Variants in CDH6 observed in about 807,000 individuals in gnomAD.
The protein encoded by CDH6 is cadherin 6.
A neutral mutation model predicts 78.0 loss-of-function variants in CDH6; 31 were observed. That is an observed-to-expected ratio of 0.40 (90% CI 0.30 to 0.54). CDH6 has a LOEUF of 0.54. Ranked by LOEUF, CDH6 falls within the 20% of genes least tolerant of loss-of-function variation. CDH6 has a pLI of 0.56. For missense variants in CDH6, 724 were observed against 975.9 expected (o/e 0.74, Z 3.44); for synonymous variants, 376 against 368.8 (o/e 1.02, Z -0.23).
intron 1 of CDH6, among the ~76,000 whole-genome samples, chr5:31,263,811 T>C (rs1403216240): frequency 6.6e-6 from 1 of 152,192 alleles, no homozygotes; most frequent in African/African-American, 2.4e-5. Flanking sequence ...TTTTAACTTA[T>C]CAAATTCTTT....
rs988691826 is a variant in CDH6, at chr5:31,329,135, G to GTT, written c.*5833_*5834dup. On this transcript the variant is annotated 3_prime_UTR_variant, in exon 12 of 12. Transcript: ENST00000265071. ...TTATATGATATTACTTAATAAACTGGTTTTTTTCTAACTTGCTTTTTTTTC... is the reference window on the plus strand; with the variant it reads ...TTATATGATATTACTTAATAAACTGGTTTTTTTTTCTAACTTGCTTTTTTTTC... 1 of 186,216 alleles carries GTT rather than the reference G, an allele frequency of 5.4e-6. No homozygotes were observed. Among genetic ancestry groups the GTT allele is most frequent in the South Asian group, 2.0e-4 (1 of 5,098 alleles). 11.5% of individuals were successfully genotyped at this position (186,216 alleles called of 1,614,324 possible). A position where few individuals can be genotyped will look rare whatever the true frequency, so the allele number is the denominator to read the frequency against.
intron 6 of CDH6, among the ~76,000 whole-genome samples, chr5:31,302,798 G>GAGAGAGAAAGAA (rs1282911479): frequency 5.2e-4 from 19 of 36,592 alleles, no homozygotes; most frequent in Non-Finnish European, 9.7e-4. Flanking sequence ...GAGAGAGAGA[G>GAGAGAGAAAGAA]AGAAAGAAAG....
chr5:31,223,946 G>A (rs1025657461), intron 1 of CDH6, among the ~76,000 whole-genome samples: 5 of 152,068 alleles, frequency 3.3e-5, no homozygotes, highest in African/African-American at 4.8e-5. Flanking sequence ...TGGCAGTGGC[G>A]ATAAACAACA....
chr5:31,257,616 A>G (rs969308465), intron 1 of CDH6, among the ~76,000 whole-genome samples: 2 of 152,234 alleles, frequency 1.3e-5, no homozygotes, highest in South Asian at 2.1e-4. Context: ...TGGCACTGGG[A>G]TGTAGGACTT....
At chr5:31,218,787 C>T (rs1306570118) in intron 1 of CDH6, among the ~76,000 whole-genome samples, 1 of 152,144 alleles carries the variant, frequency 6.6e-6, no homozygotes, top group African/African-American at 2.4e-5. Flanking sequence ...AACACAGGGT[C>T]ATCTATAAAA....
chr5:31,291,424 G>A (rs1438097547), intron 2 of CDH6, among the ~76,000 whole-genome samples: 1 of 152,176 alleles, frequency 6.6e-6, no homozygotes, highest in East Asian at 1.9e-4. Flanking sequence ...TGTTTACATG[G>A]TGGTTAATGT....
chr5:31,219,280 C>T lies in CDH6; in HGVS notation c.-129+25394C>T, dbSNP rs111483895. On this transcript the variant is annotated intron_variant, in intron 1 of 11. Transcript: ENST00000265071. ...CACCAAGCCTCCATCCACAATTGTG[C>T]AAGCTAGTTCCTTAAAGTCTCTCTC... Among the ~76,000 whole-genome samples the T allele has an allele frequency of 3.9e-3, 598 of 152,264 alleles. 8 individuals are homozygous for T. The highest frequency in any genetic ancestry group is 0.013 in the African/African-American group (557 of 41,558).
chr5:31,284,832 G>C (rs142930976), intron 2 of CDH6, among the ~76,000 whole-genome samples: 2 of 152,190 alleles, frequency 1.3e-5, no homozygotes, highest in Non-Finnish European at 2.9e-5. Flanking sequence ...ACTATCCTTG[G>C]CTCCAAAAGC....
At chr5:31,254,838 C>A (rs1028126877) in intron 1 of CDH6, among the ~76,000 whole-genome samples, 1 of 152,118 alleles carries the variant, frequency 6.6e-6, no homozygotes, top group Non-Finnish European at 1.5e-5. Context: ...TTTTTTAGAT[C>A]ATTCACTGCT....
chr5:31,317,529 A>T, intron 10 of CDH6, 37 bp downstream of exon 10: 1 of 1,515,770 alleles, frequency 6.6e-7, no homozygotes, highest in Non-Finnish European at 9.1e-7. Context: ...ATCTATCTCC[A>T]TCTATATCCG....
intron 3 of CDH6, among the ~76,000 whole-genome samples, chr5:31,296,593 C>G (rs755803297): frequency 2.0e-5 from 3 of 152,012 alleles, no homozygotes; most frequent in Non-Finnish European, 4.4e-5. Context: ...GTCTTTCAAC[C>G]GTTTAGAACT....
chr5:31,262,679 T>C (rs992916229), intron 1 of CDH6, among the ~76,000 whole-genome samples: 4 of 152,152 alleles, frequency 2.6e-5, no homozygotes, highest in African/African-American at 9.7e-5. Flanking sequence ...TTGCTTTTCC[T>C]CCCTCCCACC....
intron 2 of CDH6, among the ~76,000 whole-genome samples, chr5:31,292,187 C>T (rs905171825): frequency 2.2e-4 from 33 of 152,096 alleles, no homozygotes; most frequent in African/African-American, 8.0e-4. Context: ...TCATGTTTCC[C>T]AAAGTATCTT....
At chr5:31,251,479 T>A (rs938293617) in intron 1 of CDH6, 1 of 152,224 alleles carries the variant, frequency 6.6e-6, no homozygotes, top group African/African-American at 2.4e-5. Flanking sequence ...AGTTCAGAAG[T>A]CACACCTGAA....
At position 31,267,445 on chromosome 5, in the gene CDH6, C is replaced by T; in HGVS notation, c.-29C>T. 1 of 1,562,078 alleles carries T rather than the reference C, an allele frequency of 6.4e-7. No individual in the cohort carries two copies. The highest frequency in any genetic ancestry group is 2.2e-5 in the East Asian group (1 of 44,608). Reference sequence around the variant, plus strand: ...GGCACTTCCAAGAGTGGGGCACTCACTACGCACAGACTCGACGGTGCCATC... The same window carrying T: ...GGCACTTCCAAGAGTGGGGCACTCATTACGCACAGACTCGACGGTGCCATC... On this transcript the variant is annotated 5_prime_UTR_variant, in exon 2 of 12. Transcript: ENST00000265071.
At chr5:31,203,744 G>C (rs970520299) in intron 1 of CDH6, among the ~76,000 whole-genome samples, 1 of 151,386 alleles carries the variant, frequency 6.6e-6, no homozygotes, top group Non-Finnish European at 1.5e-5. Context: ...ATGATTTATA[G>C]TCCTTTGGGT....
At chr5:31,309,046 G>A (rs1389586396) in intron 7 of CDH6, among the ~76,000 whole-genome samples, 1 of 152,018 alleles carries the variant, frequency 6.6e-6, no homozygotes. Context: ...GATCAAGTAA[G>A]TACAATGCTG....
At chr5:31,201,979 A>G (rs1353719073) in intron 1 of CDH6, among the ~76,000 whole-genome samples, 1 of 152,214 alleles carries the variant, frequency 6.6e-6, no homozygotes, top group Non-Finnish European at 1.5e-5. Context: ...TGTGTCATTA[A>G]TAGTGAATTT....
intron 1 of CDH6, among the ~76,000 whole-genome samples, chr5:31,202,682 T>C (rs1438338021): frequency 3.3e-5 from 5 of 151,320 alleles, no homozygotes; most frequent in Admixed American, 2.6e-4. Flanking sequence ...TATGCAACTG[T>C]ATGTATATAT....
Sources: gnomAD v4.1 joint callset for allele counts (sites outside exome capture counted in the v4.1 genomes callset) on GRCh38, gnomAD v4.1.1 for gene constraint, MANE v1.5 for transcripts, NCBI Gene and HGNC (gene_info 2026-07-23, HGNC 2026-07-21) for gene names.